The following SEMA5B variants were observed in gnomAD, a reference collection of about 807,000 sequenced individuals.
The protein encoded by SEMA5B is semaphorin 5B, also known as semaphorin-5B.
A neutral mutation model predicts 135.0 loss-of-function variants in SEMA5B; 66 were observed. The observed-to-expected ratio is 0.49, with a 90% CI of 0.40 to 0.60. The LOEUF (loss-of-function observed/expected upper bound fraction) is 0.60, where lower values mean the gene tolerates loss of function less well. Among genes scored for constraint, SEMA5B ranks in the 20% least tolerant of loss-of-function variants. SEMA5B has a pLI of 0.00. For missense variants in SEMA5B, 1,501 were observed against 1,566.3 expected, an observed-to-expected ratio of 0.96 and a Z score of 0.70; for synonymous variants, 690 against 639.5, an observed-to-expected ratio of 1.08 and a Z score of -1.19.
In SEMA5B at chr3:122,914,394, C is replaced by T. The variant is rs373680856; in HGVS notation, c.1989-393G>A. On this transcript the variant is annotated intron_variant, in intron 14 of 22. Coordinates refer to ENST00000357599, the MANE Select transcript of SEMA5B (RefSeq NM_001031702.4). ...TGCACTGTAACCAACACTCTGTCCC[C>T]TGTACTATATTGCACATGCTTTGCT... is the stretch of plus-strand genomic sequence containing the variant. 7.2e-5 allele frequency among the ~76,000 whole-genome samples: 11 copies of T among 152,312 alleles called. 2 individuals carry two copies. The highest frequency in any genetic ancestry group is 6.5e-5 in the Admixed American group (1 of 15,302).
chr3:122,922,036 CG>C lies in SEMA5B; in HGVS notation c.1566del (p.Arg524AlafsTer21), dbSNP rs1938377817. 1.3e-6 allele frequency: 2 copies of C among 1,496,644 alleles called. No homozygotes were observed. Among genetic ancestry groups the C allele is most frequent in the Non-Finnish European group, 1.8e-6 (2 of 1,124,710 alleles). The allele number at this position is 1,496,644 out of a possible 1,614,324, so 92.7% of individuals were successfully genotyped here. On this transcript the variant is annotated frameshift_variant, in exon 12 of 23. Coordinates refer to ENST00000357599, the MANE Select transcript of SEMA5B (RefSeq NM_001031702.4). LOFTEE classifies it high-confidence loss of function. ...AGGCTGCGCAGGGGCTCGCGGCGCC[CG>C]GGGGGCAGCACGTGCAGCTCCTCCA... Reference protein sequence around the residue: ...CYLEELHVLPPGRREPLRSLR... With the variant: ...CYLEELHVLPXGRREPLRSLR...
intron 1 of SEMA5B, among the ~76,000 whole-genome samples, chr3:123,007,821 A>C (rs1250793444): frequency 6.6e-6 from 1 of 152,208 alleles, no homozygotes; most frequent in Non-Finnish European, 1.5e-5. Context: ...AGTTTCATGT[A>C]TTCTGTTACA....
At chr3:122,935,682 C>CTTTTTTTTTTTTTTTTTT (rs1402707939) in intron 5 of SEMA5B, among the ~76,000 whole-genome samples, 1 of 70,738 alleles carries the variant, frequency 1.4e-5, no homozygotes, top group African/African-American at 5.6e-5. Flanking sequence ...CTTTTTCTTT[C>CTTTTTTTTTTTTTTTTTT]TTTCTTTTTT....
At chr3:123,000,189 C>G (rs1942135083) in intron 1 of SEMA5B, among the ~76,000 whole-genome samples, 1 of 152,174 alleles carries the variant, frequency 6.6e-6, no homozygotes, top group South Asian at 2.1e-4. Flanking sequence ...TCCTGGGCAA[C>G]AGAGTAAGAC....
intron 2 of SEMA5B, among the ~76,000 whole-genome samples, chr3:122,960,205 G>A (rs867459263): frequency 5.3e-5 from 8 of 152,148 alleles, no homozygotes; most frequent in Non-Finnish European, 4.4e-5. Context: ...TGTGGGGAGG[G>A]CCCATTTCTA....
intron 1 of SEMA5B, among the ~76,000 whole-genome samples, chr3:123,023,322 G>GCACACACACACA (rs3080430): frequency 1.1e-3 from 156 of 144,032 alleles, no homozygotes; most frequent in African/African-American, 3.8e-3. Context: ...ACTATTTCCA[G>GCACACACACACA]CACACACACA....
chr3:123,018,596 A>G (rs906701601), intron 1 of SEMA5B, among the ~76,000 whole-genome samples: 1 of 152,240 alleles, frequency 6.6e-6, no homozygotes, highest in African/African-American at 2.4e-5. Flanking sequence ...TCCATTTAAG[A>G]TGGTGTTGTT....
At chr3:123,004,892 C>A (rs1050448489) in intron 1 of SEMA5B, among the ~76,000 whole-genome samples, 7 of 152,184 alleles carry the variant, frequency 4.6e-5, no homozygotes, top group Admixed American at 4.6e-4. Context: ...TCTTAAAGTT[C>A]CCCTACTAAA....
At position 123,013,621 on chromosome 3, in the gene SEMA5B, T is replaced by G. The variant is rs377617912; in HGVS notation, c.-39+13843A>C. On this transcript the variant is annotated intron_variant, in intron 1 of 22. Transcript: ENST00000357599. ...AGTCTGTGTGGCTCCCGGCTTTTCC[T>G]CCCACTCCAAGCTGGCTTCCAAGCC... Among the ~76,000 whole-genome samples the G allele has an allele frequency of 7.9e-5, 12 of 152,292 alleles. 1 individual carries two copies. Among genetic ancestry groups the G allele is most frequent in the East Asian group, 5.8e-4 (3 of 5,192 alleles).
At chr3:122,920,873 C>T (rs965630511) in intron 12 of SEMA5B, among the ~76,000 whole-genome samples, 1 of 152,196 alleles carries the variant, frequency 6.6e-6, no homozygotes, top group East Asian at 1.9e-4. Context: ...CTCTTGCCTT[C>T]TCTCACACCA....
At chr3:122,943,336 G>T in intron 4 of SEMA5B, 100 bp downstream of exon 4, 1 of 779,086 alleles carries the variant, frequency 1.3e-6, no homozygotes, top group Non-Finnish European at 2.1e-6. Context: ...ATGGGGCCCA[G>T]CACGCGGGGC....
At chr3:122,981,185 C>T (rs984327942) in intron 1 of SEMA5B, among the ~76,000 whole-genome samples, 1 of 152,250 alleles carries the variant, frequency 6.6e-6, no homozygotes, top group Non-Finnish European at 1.5e-5. Flanking sequence ...GGGGACTGCC[C>T]TCCCTCCCTT....
chr3:122,949,809 G>A (rs886597654), intron 2 of SEMA5B, among the ~76,000 whole-genome samples: 12 of 152,056 alleles, frequency 7.9e-5, no homozygotes, highest in African/African-American at 1.4e-4. Context: ...CCCCGACCCA[G>A]GAACTGAACT....
chr3:122,920,769 G>A (rs1318060989), intron 12 of SEMA5B, among the ~76,000 whole-genome samples: 1 of 152,118 alleles, frequency 6.6e-6, no homozygotes, highest in Non-Finnish European at 1.5e-5. Context: ...CCCCACACCC[G>A]ACCATCTCTC....
At chr3:122,914,054 T>C (rs1560283618) in intron 14 of SEMA5B, 53 bp from the exon 15 acceptor site, 4 of 1,509,890 alleles carry the variant, frequency 2.6e-6, no homozygotes, top group Non-Finnish European at 3.5e-6. Context: ...CCTAGCTTCT[T>C]AGATCTAGTC....
intron 8 of SEMA5B, among the ~76,000 whole-genome samples, 185 bp from the exon 9 acceptor site, chr3:122,926,862 A>G (rs890617016): frequency 2.0e-5 from 3 of 152,182 alleles, no homozygotes; most frequent in Non-Finnish European, 4.4e-5. Context: ...GGCAGCTGTA[A>G]TATTAAACAT....
chr3:122,977,414 C>T lies in SEMA5B; in HGVS notation c.-38-16113G>A, dbSNP rs572778976. Reference sequence around the variant, plus strand: ...TGAGACATACTCATACCGAAATACTCTTTGTTGCTTACCTGAAATTCAAAT... The same window carrying T: ...TGAGACATACTCATACCGAAATACTTTTTGTTGCTTACCTGAAATTCAAAT... On this transcript the variant is annotated intron_variant, in intron 1 of 22. Transcript: ENST00000357599. Among the ~76,000 whole-genome samples the T allele has an allele frequency of 1.1e-3, 170 of 152,324 alleles. 1 individual carries two copies. The highest frequency in any genetic ancestry group is 1.8e-3 in the Admixed American group (28 of 15,294).
chr3:122,966,464 A>C (rs1301403645), intron 1 of SEMA5B, among the ~76,000 whole-genome samples: 1 of 152,172 alleles, frequency 6.6e-6, no homozygotes, highest in Admixed American at 6.5e-5. Flanking sequence ...ACCTTAAGTG[A>C]AACAACCACT....
At chr3:122,967,224 A>G (rs6764954) in intron 1 of SEMA5B, among the ~76,000 whole-genome samples, 79,669 of 152,010 alleles carry the variant, frequency 0.52, 22,947 homozygotes, top group African/African-American at 0.76. Context: ...AATGTGACAA[A>G]TCTTGGAAGA....
Sources: gnomAD v4.1 joint callset for allele counts (sites outside exome capture counted in the v4.1 genomes callset) on GRCh38, gnomAD v4.1.1 for gene constraint, MANE v1.5 for transcripts, NCBI Gene and HGNC (gene_info 2026-07-23, HGNC 2026-07-21) for gene names.